Variants in C1orf105 observed in about 807,000 individuals in gnomAD.
C1orf105 encodes chromosome 1 open reading frame 105.
Under a neutral mutation model 20.8 loss-of-function variants are expected in C1orf105, and 17 were observed. The observed-to-expected ratio is 0.82, with a 90% confidence interval of 0.56 to 1.23. The LOEUF (loss-of-function observed/expected upper bound fraction) is 1.23. Among genes scored for constraint, C1orf105 ranks in the 50% most tolerant of loss-of-function variants. The pLI, the probability that C1orf105 is intolerant of heterozygous loss-of-function variation, is 0.00. For synonymous variants in C1orf105, 72 were observed against 72.1 expected (o/e 1.00, Z 0.01); for missense variants, 219 against 213.5 (o/e 1.03, Z -0.16).
intron 1 of C1orf105, among the ~76,000 whole-genome samples, chr1:172,421,674 A>G (rs1264663527): frequency 6.6e-6 from 1 of 152,226 alleles, no homozygotes; most frequent in Non-Finnish European, 1.5e-5. Context: ...AAGCACCTTC[A>G]TAAGAACCAA....
In C1orf105 at chr1:172,441,653, ACT is replaced by A. The variant is rs766285302; in HGVS notation, c.22-3417_22-3416del. Reference sequence around the variant, plus strand: ...AATGACATGCTGCTTCCAGAATGGAACTCTGTCTTTAAGTTCTATACTAGTTA... The same window carrying A: ...AATGACATGCTGCTTCCAGAATGGAACTGTCTTTAAGTTCTATACTAGTTA... On this transcript the variant is annotated intron_variant, in intron 1 of 6. Transcript: ENST00000367727. 22 of 1,261,498 alleles carry A rather than the reference ACT, an allele frequency of 1.7e-5. No homozygotes were observed. The Middle Eastern group carries it at 8.6e-4, about 49-fold the overall frequency. 78.1% of individuals were successfully genotyped at this position (1,261,498 alleles called of 1,614,324 possible).
chr1:172,431,272 T>C (rs1165685087), intron 1 of C1orf105: 4 of 440,364 alleles, frequency 9.1e-6, no homozygotes, highest in Admixed American at 4.0e-5. Flanking sequence ...TAAAAAGTTA[T>C]TGAAGGAAAT....
intron 1 of C1orf105, among the ~76,000 whole-genome samples, chr1:172,444,700 T>C (rs139756195): frequency 4.2e-4 from 64 of 152,172 alleles, no homozygotes; most frequent in African/African-American, 1.5e-3. Context: ...CTAAAAGAAG[T>C]GAGGACAAGA....
At chr1:172,438,204 T>C (rs916243163) in intron 1 of C1orf105, among the ~76,000 whole-genome samples, 2 of 152,234 alleles carry the variant, frequency 1.3e-5, no homozygotes, top group African/African-American at 4.8e-5. Context: ...GCATCCATTC[T>C]GAAGTCCATG....
At chr1:172,449,887 A>G (rs760118898) in intron 3 of C1orf105, among the ~76,000 whole-genome samples, 8 of 152,148 alleles carry the variant, frequency 5.3e-5, no homozygotes, top group Non-Finnish European at 1.2e-4. Context: ...CTATTTAGAC[A>G]GGTCTCACCT....
chr1:172,424,232 G>A (rs943301091), intron 1 of C1orf105, among the ~76,000 whole-genome samples: 2 of 152,336 alleles, frequency 1.3e-5, no homozygotes, highest in East Asian at 3.9e-4. Flanking sequence ...GCAAGCCGCA[G>A]AAGACCAAAG....
At chr1:172,427,416 T>G (rs1353049359) in intron 1 of C1orf105, among the ~76,000 whole-genome samples, 1 of 152,198 alleles carries the variant, frequency 6.6e-6, no homozygotes, top group East Asian at 1.9e-4. Flanking sequence ...TCAATCAGGG[T>G]GCAAACATGC....
At chr1:172,424,933 G>A (rs1285174542) in intron 1 of C1orf105, among the ~76,000 whole-genome samples, 1 of 152,130 alleles carries the variant, frequency 6.6e-6, no homozygotes, top group Non-Finnish European at 1.5e-5. Context: ...AAGGCCACAG[G>A]GCCAGCCTGG....
intron 1 of C1orf105, chr1:172,443,863 C>T: frequency 4.7e-6 from 3 of 639,990 alleles, no homozygotes; most frequent in Non-Finnish European, 6.0e-6. Context: ...CTTCTGGCAC[C>T]CCATTTGGCT....
At chr1:172,457,681 G>A (rs1274482732) in intron 4 of C1orf105, among the ~76,000 whole-genome samples, 1 of 152,204 alleles carries the variant, frequency 6.6e-6, no homozygotes, top group African/African-American at 2.4e-5. Context: ...GCCTAAGCTG[G>A]CCTTGGCCAG....
chr1:172,444,180 GTCTCC>G, intron 1 of C1orf105: 1 of 986,732 alleles, frequency 1.0e-6, no homozygotes, highest in Middle Eastern at 5.2e-4. Context: ...AGGACCTCCG[GTCTCC>G]TCTCCTGGAG....
At chr1:172,432,546 A>C (rs982425493) in intron 1 of C1orf105, among the ~76,000 whole-genome samples, 1 of 152,238 alleles carries the variant, frequency 6.6e-6, no homozygotes, top group Non-Finnish European at 1.5e-5. Context: ...AGGAAAACTA[A>C]CAAACAAAAA....
chr1:172,455,402 A>C (rs1170900237), intron 3 of C1orf105, among the ~76,000 whole-genome samples: 2 of 152,186 alleles, frequency 1.3e-5, no homozygotes, highest in Non-Finnish European at 2.9e-5. Context: ...TGGGCCAGCA[A>C]GCGGATCAAA....
chr1:172,458,841 T>C (rs1649495415), intron 4 of C1orf105, among the ~76,000 whole-genome samples: 1 of 152,134 alleles, frequency 6.6e-6, no homozygotes, highest in Non-Finnish European at 1.5e-5. Flanking sequence ...GCCATAAAGA[T>C]AGACAAATAG....
intron 1 of C1orf105, among the ~76,000 whole-genome samples, chr1:172,426,104 T>C (rs2071714840): frequency 1.3e-5 from 2 of 152,138 alleles, no homozygotes; most frequent in South Asian, 2.1e-4. Flanking sequence ...TCACTGCCCA[T>C]GATCAACAAA....
chr1:172,446,460 G>A (rs576367481), intron 2 of C1orf105, among the ~76,000 whole-genome samples: 2 of 152,278 alleles, frequency 1.3e-5, no homozygotes, highest in Admixed American at 6.5e-5. Flanking sequence ...CCACCCCCAC[G>A]CCAGCAGTGT....
intron 4 of C1orf105, 45 bp downstream of exon 4, chr1:172,456,534 G>A (rs1222243420): frequency 1.9e-6 from 3 of 1,565,762 alleles, no homozygotes; most frequent in African/African-American, 1.4e-5. Context: ...ATCTCAGGGT[G>A]CAGCACTGCC....
chr1:172,424,897 G>A (rs1011279871), intron 1 of C1orf105, among the ~76,000 whole-genome samples: 2 of 152,134 alleles, frequency 1.3e-5, no homozygotes, highest in African/African-American at 4.8e-5. Context: ...ACTGACCAGA[G>A]TTCAAATGTC....
At chr1:172,440,750 A>C (rs1226316774) in intron 1 of C1orf105, among the ~76,000 whole-genome samples, 1 of 152,218 alleles carries the variant, frequency 6.6e-6, no homozygotes. Context: ...TGTTGCCTGC[A>C]AATGTGTTTT....
Sources: allele counts gnomAD v4.1 joint callset (sites outside exome capture counted in the v4.1 genomes callset), GRCh38; gene constraint gnomAD v4.1.1; transcripts MANE v1.5; gene names NCBI Gene and HGNC (gene_info 2026-07-23, HGNC 2026-07-21).